Variants in EFHB observed in about 807,000 individuals in gnomAD.
EFHB encodes EF-hand domain-containing family member B.
EFHB carries 91 observed loss-of-function variants against 87.2 expected under a neutral mutation model. The ratio of observed to expected loss-of-function variants is 1.04; its 90% CI spans 0.88 to 1.24. The LOEUF is 1.24. Ranked by LOEUF, EFHB falls within the 50% of genes most tolerant of loss-of-function variation. The pLI, the probability that EFHB is intolerant of heterozygous loss-of-function variation, is 0.00. For missense variants in EFHB, 1,084 were observed against 998.8 expected (o/e 1.09, Z -1.15); for synonymous variants, 325 against 333.6 (o/e 0.97, Z 0.28).
At chr3:19,932,942 A>G (rs1695878148) in intron 1 of EFHB, among the ~76,000 whole-genome samples, 1 of 152,210 alleles carries the variant, frequency 6.6e-6, no homozygotes, top group Non-Finnish European at 1.5e-5. Flanking sequence ...ATGTATTTCA[A>G]TATGTGAGAG....
chr3:19,918,132 C>A, intron 4 of EFHB, 100 bp downstream of exon 4: 1 of 1,222,646 alleles, frequency 8.2e-7, no homozygotes, highest in Non-Finnish European at 1.1e-6. Context: ...TCATCGTTTA[C>A]ACCATCACCA....
chr3:19,912,585 G>T (rs1377178402), intron 5 of EFHB, among the ~76,000 whole-genome samples: 1 of 152,170 alleles, frequency 6.6e-6, no homozygotes, highest in African/African-American at 2.4e-5. Flanking sequence ...CACCGTAACT[G>T]TGGTATCCAA....
chr3:19,938,128 C>A (rs1478687782), upstream of EFHB, among the ~76,000 whole-genome samples: 2 of 152,168 alleles, frequency 1.3e-5, no homozygotes, highest in Non-Finnish European at 1.5e-5. Flanking sequence ...GTTCCCTTCA[C>A]CTGGAATGTC....
intron 5 of EFHB, among the ~76,000 whole-genome samples, chr3:19,906,443 G>T (rs1694845844): frequency 1.3e-5 from 2 of 152,066 alleles, no homozygotes; most frequent in Non-Finnish European, 2.9e-5. Flanking sequence ...AAGAAATCAA[G>T]AAAATAATTC....
At chr3:19,899,626 T>C (rs1188083064) in intron 6 of EFHB, 111 bp from the exon 7 acceptor site, 3 of 636,652 alleles carry the variant, frequency 4.7e-6, no homozygotes, top group African/African-American at 1.9e-5. Context: ...CAGGAACAAA[T>C]GTAGTTTCAA....
chr3:19,910,565 T>C (rs1215077823), intron 5 of EFHB, among the ~76,000 whole-genome samples: 1 of 152,200 alleles, frequency 6.6e-6, no homozygotes, highest in African/African-American at 2.4e-5. Context: ...TGGCTGGCTT[T>C]ACCACCTGTT....
intron 8 of EFHB, among the ~76,000 whole-genome samples, chr3:19,897,408 G>T (rs891323830): frequency 6.6e-6 from 1 of 152,076 alleles, no homozygotes; most frequent in Admixed American, 6.5e-5. Context: ...TTAACTAAGA[G>T]TCCTGACCCA....
intron 1 of EFHB, among the ~76,000 whole-genome samples, chr3:19,942,650 G>A (rs1276220665): frequency 6.6e-6 from 1 of 152,176 alleles, no homozygotes; most frequent in African/African-American, 2.4e-5. Context: ...CCCTGAACTT[G>A]TTTTCCTGCC....
In EFHB at chr3:19,920,566, G is replaced by A. The variant is rs532313905; in HGVS notation, c.791C>T (p.Ala264Val). The change falls in exon 2 of 13, where the codon GCA (alanine) becomes GTA (valine). Residue 264 changes from alanine (A) to valine (V), a missense_variant and splice_region_variant. By Grantham distance (64) the Ala-to-Val change is moderately conservative. Transcript: ENST00000295824. ...GTAACCAACTGGAATAACTTTTCCT[G>A]CCTTTGGGGGAAAAAAATGGGTTGA... ...FFDRTPCWPS[A>V]GKVIPVGYRV... 6.3e-7 allele frequency: 1 copy of A among 1,592,224 alleles called. No homozygotes were observed. The highest frequency in any genetic ancestry group is 1.4e-5 in the African/African-American group (1 of 73,692).
chr3:19,929,796 T>C (rs1282389498), intron 1 of EFHB, among the ~76,000 whole-genome samples: 2 of 152,006 alleles, frequency 1.3e-5, no homozygotes, highest in Non-Finnish European at 2.9e-5. Flanking sequence ...TAGTTAAATC[T>C]TATAAATAAC....
intron 5 of EFHB, among the ~76,000 whole-genome samples, chr3:19,912,862 A>G (rs1383340231): frequency 1.3e-5 from 2 of 152,206 alleles, no homozygotes; most frequent in African/African-American, 4.8e-5. Flanking sequence ...CTGGGACCCA[A>G]GTATTTTTCA....
chr3:19,922,032 G>A (rs541653123), intron 1 of EFHB, among the ~76,000 whole-genome samples: 2 of 152,182 alleles, frequency 1.3e-5, no homozygotes, highest in East Asian at 1.9e-4. Context: ...AGGCATGGTG[G>A]TGCGTGCCTG....
At chr3:19,894,079 T>C (rs1036887357) in intron 9 of EFHB, among the ~76,000 whole-genome samples, 1 of 152,230 alleles carries the variant, frequency 6.6e-6, no homozygotes, top group Non-Finnish European at 1.5e-5. Flanking sequence ...ATGAATTACA[T>C]AGTCTATGAT....
At chr3:19,934,732 G>T (rs1419107884), upstream of EFHB, among the ~76,000 whole-genome samples, 1 of 152,100 alleles carries the variant, frequency 6.6e-6, no homozygotes, top group Non-Finnish European at 1.5e-5. Flanking sequence ...TTCTGGTGAT[G>T]AACACTTTTT....
Position 19,905,645 on chromosome 3 carries a change from G to A in EFHB, c.1393C>T (p.Leu465=). Residue 465 remains leucine (L), a synonymous_variant, in exon 6 of 13, where the codon CTA becomes TTA. Transcript: ENST00000295824. The part of the protein sequence containing the change: ...FNDGRAMAKS[L]YWLHELQMKR... ...ATTTGTAGTTCATGGAGCCAATATA[G>A]AGATTTTGCCATGGCTCGTCCATCA... 2 of 1,613,742 alleles carry A rather than the reference G, an allele frequency of 1.2e-6. No individual in the cohort carries two copies. Among genetic ancestry groups the A allele is most frequent in the South Asian group, 1.1e-5 (1 of 91,044 alleles).
intron 1 of EFHB, among the ~76,000 whole-genome samples, chr3:19,932,975 G>A (rs1012176958): frequency 3.9e-5 from 6 of 152,296 alleles, no homozygotes; most frequent in South Asian, 2.1e-4. Context: ...TGAAATGAAG[G>A]TTAAAGGAGA....
chr3:19,926,607 G>A (rs1409576289), intron 1 of EFHB, among the ~76,000 whole-genome samples: 2 of 151,712 alleles, frequency 1.3e-5, no homozygotes, highest in East Asian at 1.9e-4. Context: ...TCGTGATCCC[G>A]TCTCGGCCTC....
At chr3:19,922,697 T>C (rs530745214) in intron 1 of EFHB, among the ~76,000 whole-genome samples, 4 of 152,238 alleles carry the variant, frequency 2.6e-5, no homozygotes, top group African/African-American at 9.6e-5. Flanking sequence ...GGTTCAAATA[T>C]CTGCCAATAA....
intron 12 of EFHB, among the ~76,000 whole-genome samples, chr3:19,881,675 G>C (rs1361942521): frequency 6.6e-6 from 1 of 152,090 alleles, no homozygotes; most frequent in East Asian, 1.9e-4. Flanking sequence ...GCGTCCGTGT[G>C]AAAGAATTGC....
Sources: gnomAD v4.1 joint callset for allele counts (sites outside exome capture counted in the v4.1 genomes callset) on GRCh38, gnomAD v4.1.1 for gene constraint, MANE v1.5 for transcripts, NCBI Gene and HGNC (gene_info 2026-07-23, HGNC 2026-07-21) for gene names.